Variants in CREM observed in about 807,000 individuals in gnomAD.
CREM encodes cAMP responsive element modulator, also known as cAMP-responsive element modulator.
CREM carries 13 observed loss-of-function variants against 37.3 expected under a neutral mutation model. The ratio of observed to expected loss-of-function variants is 0.35; its 90% confidence interval spans 0.23 to 0.55. The LOEUF is 0.55. Ranked by LOEUF, CREM falls within the 20% of genes least tolerant of loss-of-function variation. The pLI, the probability that CREM is intolerant of heterozygous loss-of-function variation, is 0.88. For synonymous variants in CREM, 124 were observed against 120.2 expected (o/e 1.03, Z -0.21); for missense variants, 296 against 362.3 (o/e 0.82, Z 1.49).
At chr10:35,209,299 T>A (rs2095611659) in intron 7 of CREM, 3 of 985,298 alleles carry the variant, frequency 3.0e-6, no homozygotes, top group South Asian at 9.4e-5. Flanking sequence ...CAACAGTTTT[T>A]ATTTCTTTCC....
At chr10:35,197,448 ATTTATTTATTTATTTATTTT>A (rs1453663625) in intron 6 of CREM, among the ~76,000 whole-genome samples, 12 of 148,962 alleles carry the variant, frequency 8.1e-5, no homozygotes, top group African/African-American at 2.2e-4. Flanking sequence ...TTATTTATTT[ATTTATTTATTTATTTATTTT>A]ATGAGACGGA....
chr10:35,203,564 C>T (rs535686486), intron 6 of CREM, among the ~76,000 whole-genome samples: 4 of 152,060 alleles, frequency 2.6e-5, no homozygotes, highest in Admixed American at 1.3e-4. Flanking sequence ...CGGTGGTGGG[C>T]GTCTGTAATC....
intron 3 of CREM, among the ~76,000 whole-genome samples, chr10:35,158,812 GT>G (rs1564838652): frequency 1.5e-5 from 1 of 65,212 alleles, no homozygotes. Context: ...TTTTTTTGTT[GT>G]TTTGTTTGTT....
At chr10:35,204,695 TATTA>T (rs2134444731) in intron 6 of CREM, among the ~76,000 whole-genome samples, 1 of 152,332 alleles carries the variant, frequency 6.6e-6, no homozygotes, top group East Asian at 1.9e-4. Flanking sequence ...ACAATATTTT[TATTA>T]ATTCTATGAA....
At chr10:35,175,968 T>TGAA in intron 3 of CREM, 1 of 1,551,266 alleles carries the variant, frequency 6.4e-7, no homozygotes, top group East Asian at 2.4e-5. Context: ...CAGCCATGGG[T>TGAA]TATTCAGTCA....
intron 3 of CREM, chr10:35,158,480 C>T (rs914903319): frequency 9.1e-5 from 21 of 230,146 alleles, no homozygotes; most frequent in East Asian, 7.7e-4. Flanking sequence ...TCAAGGCGAA[C>T]GAAGCTGAAG....
intron 5 of CREM, among the ~76,000 whole-genome samples, chr10:35,187,077 T>TATATATA (rs1304812445): frequency 5.5e-5 from 3 of 54,190 alleles, no homozygotes; most frequent in Admixed American, 3.4e-4. Context: ...AATATAATAA[T>TATATATA]ATATATAATA....
rs560052157 is a variant in CREM at position 35,163,736 on chromosome 10, G to A, written c.169-15153G>A. On this transcript the variant is annotated intron_variant, in intron 3 of 7. Transcript: ENST00000685392. Reference sequence around the variant, plus strand: ...CTCGGGAGGCTGAGGCGGGAGATTCGCTTGAACCCGGGAGGCGGAGGTTGC... The same window carrying A: ...CTCGGGAGGCTGAGGCGGGAGATTCACTTGAACCCGGGAGGCGGAGGTTGC... 1.1e-4 allele frequency among the ~76,000 whole-genome samples: 16 copies of A among 152,182 alleles called. No homozygotes were observed. In the South Asian group the frequency reaches 1.5e-3, roughly 14 times the overall value.
chr10:35,193,653 T>C (rs2095015918), intron 6 of CREM, among the ~76,000 whole-genome samples: 1 of 152,150 alleles, frequency 6.6e-6, no homozygotes, highest in Admixed American at 6.5e-5. Flanking sequence ...CCTGGAGAAT[T>C]ACTAGAAACA....
intron 6 of CREM, among the ~76,000 whole-genome samples, chr10:35,195,680 T>C (rs1301289993): frequency 1.3e-5 from 2 of 152,170 alleles, no homozygotes; most frequent in Non-Finnish European, 2.9e-5. Context: ...CCAAACAGAA[T>C]AGGAAAAACC....
At chr10:35,199,475 A>G (rs936605631) in intron 6 of CREM, among the ~76,000 whole-genome samples, 3 of 152,260 alleles carry the variant, frequency 2.0e-5, no homozygotes, top group Non-Finnish European at 4.4e-5. Context: ...AAATCACTTA[A>G]TGTTACAAAT....
chr10:35,164,675 T>G (rs2093450620), intron 3 of CREM, among the ~76,000 whole-genome samples: 1 of 152,252 alleles, frequency 6.6e-6, no homozygotes, highest in Non-Finnish European at 1.5e-5. Flanking sequence ...TTATGTACTC[T>G]GACCATTGGA....
chr10:35,175,529 G>C (rs561690051), intron 3 of CREM: 6 of 697,072 alleles, frequency 8.6e-6, no homozygotes, highest in East Asian at 5.4e-5. Context: ...CCTAAGAAAG[G>C]CTTCACTGTT....
intron 3 of CREM, among the ~76,000 whole-genome samples, chr10:35,164,853 G>A (rs200367387): frequency 6.6e-6 from 1 of 151,922 alleles, no homozygotes; most frequent in South Asian, 2.1e-4. Context: ...AGTTCGAGAC[G>A]AGCCTGGCCA....
intron 5 of CREM, among the ~76,000 whole-genome samples, chr10:35,184,097 A>T (rs1181873674): frequency 6.6e-6 from 1 of 152,042 alleles, no homozygotes; most frequent in Non-Finnish European, 1.5e-5. Flanking sequence ...CAAATAAATA[A>T]ATAAGAAGTG....
At chr10:35,175,792 A>T in intron 3 of CREM, 1 of 1,613,698 alleles carries the variant, frequency 6.2e-7, no homozygotes, top group Admixed American at 1.7e-5. Flanking sequence ...TTACTTAAAA[A>T]TAGCAAAAAC....
At chr10:35,158,799 T>TGTG (rs1250118284) in intron 3 of CREM, among the ~76,000 whole-genome samples, 10 of 125,028 alleles carry the variant, frequency 8.0e-5, no homozygotes, top group African/African-American at 2.5e-4. Flanking sequence ...AAATATAGTG[T>TGTG]TTTTTTTTTG....
chr10:35,207,555 C>T (rs538376020), intron 7 of CREM, among the ~76,000 whole-genome samples: 1 of 152,230 alleles, frequency 6.6e-6, no homozygotes, highest in East Asian at 1.9e-4. Context: ...GCGGGCAGAT[C>T]ACAAGGTCAA....
intron 5 of CREM, 128 bp downstream of exon 5, chr10:35,179,404 C>T: frequency 9.9e-7 from 1 of 1,015,088 alleles, no homozygotes; most frequent in Non-Finnish European, 1.4e-6. Flanking sequence ...TAAACTGTAT[C>T]ATAGAATGAA....
Sources: allele counts gnomAD v4.1 joint callset (sites outside exome capture counted in the v4.1 genomes callset), GRCh38; gene constraint gnomAD v4.1.1; transcripts MANE v1.5; gene names NCBI Gene and HGNC (gene_info 2026-07-23, HGNC 2026-07-21).